CLSTN2: variants seen among roughly 807,000 people sequenced by gnomAD.
CLSTN2 encodes the protein calsyntenin-2.
In CLSTN2, 48 loss-of-function variants were observed where a neutral mutation model predicts 101.2. The observed-to-expected ratio is 0.47, with a 90% confidence interval of 0.38 to 0.60. The LOEUF (loss-of-function observed/expected upper bound fraction) is 0.60, where lower values mean the gene tolerates loss of function less well. CLSTN2 is among the 20% of genes least tolerant of loss of function. The pLI is 0.00. For synonymous variants in CLSTN2, 481 were observed against 463.6 expected (o/e 1.04, Z -0.48); for missense variants, 1,160 against 1,238.2 (o/e 0.94, Z 0.95).
intron 5 of CLSTN2, among the ~76,000 whole-genome samples, chr3:140,433,661 C>A (rs749077407): frequency 2.6e-4 from 39 of 152,214 alleles, no homozygotes; most frequent in Non-Finnish European, 5.7e-4. Flanking sequence ...CCTCTCAGAA[C>A]CCTCAGATGT....
At chr3:140,035,958 T>C (rs1405503194) in intron 1 of CLSTN2, among the ~76,000 whole-genome samples, 1 of 152,216 alleles carries the variant, frequency 6.6e-6, no homozygotes, top group Non-Finnish European at 1.5e-5. Context: ...CATATGCCAC[T>C]TCTCAGCTTG....
chr3:140,448,446 CATT>C, intron 5 of CLSTN2, 70 bp from the exon 6 acceptor site: 1 of 1,294,878 alleles, frequency 7.7e-7, no homozygotes, highest in Non-Finnish European at 1.1e-6. Flanking sequence ...AACAAATTCA[CATT>C]TCTAAAAGAA....
chr3:139,977,357 A>G (rs2107821801), intron 1 of CLSTN2, among the ~76,000 whole-genome samples: 1 of 152,282 alleles, frequency 6.6e-6, no homozygotes, highest in Non-Finnish European at 1.5e-5. Context: ...GGAGAACACC[A>G]TGAGCAGGAA....
intron 1 of CLSTN2, among the ~76,000 whole-genome samples, chr3:140,100,700 G>C (rs2008951184): frequency 6.6e-6 from 1 of 152,252 alleles, no homozygotes; most frequent in Non-Finnish European, 1.5e-5. Context: ...TCTGTGGGTG[G>C]AGAATAATTT....
chr3:140,133,781 AT>A (rs1383157134), intron 1 of CLSTN2, among the ~76,000 whole-genome samples: 1 of 152,174 alleles, frequency 6.6e-6, no homozygotes, highest in Non-Finnish European at 1.5e-5. Context: ...AACCAAAAAT[AT>A]TTTGTAAACC....
rs1933716099 is a variant in CLSTN2 at position 140,466,782 on chromosome 3, C to G, written c.1344+51C>G. 4 of 1,609,282 alleles carry G rather than the reference C, an allele frequency of 2.5e-6. No individual in the cohort carries two copies. In the South Asian group the frequency reaches 3.3e-5, roughly 13 times the overall value. On this transcript the variant is annotated intron_variant, in intron 8 of 16. Coordinates refer to ENST00000458420, the MANE Select transcript of CLSTN2 (RefSeq NM_022131.3). Reference sequence around the variant, plus strand: ...GCTACTCATGCCTCTGCGGGGGTGGCCAGTCCAATCCAATGGTGATGGCAG... The same window carrying G: ...GCTACTCATGCCTCTGCGGGGGTGGGCAGTCCAATCCAATGGTGATGGCAG...
intron 2 of CLSTN2, among the ~76,000 whole-genome samples, chr3:140,199,568 G>A (rs1317638358): frequency 6.6e-6 from 1 of 152,188 alleles, no homozygotes; most frequent in Non-Finnish European, 1.5e-5. Flanking sequence ...CAAACTAGGA[G>A]CCGCCCAGGC....
rs781213653 is a variant in CLSTN2, at chr3:140,531,774, G to GC, written c.1345-544dup. 8.3e-4 allele frequency among the ~76,000 whole-genome samples: 126 copies of GC among 152,042 alleles called. 1 individual carries two copies. The highest frequency in any genetic ancestry group is 3.5e-4 in the Non-Finnish European group (24 of 68,004). On this transcript the variant is annotated intron_variant, in intron 8 of 16. Transcript: ENST00000458420. ...GGTTAAGAATTGTGACTCTCTTCTAGCCCCCCTGCATCTCCACTAATCCAC... is the reference window on the plus strand; with the variant it reads ...GGTTAAGAATTGTGACTCTCTTCTAGCCCCCCCTGCATCTCCACTAATCCAC...
chr3:140,053,325 G>A (rs934205613), intron 1 of CLSTN2, among the ~76,000 whole-genome samples: 4 of 152,206 alleles, frequency 2.6e-5, no homozygotes, highest in Admixed American at 6.5e-5. Context: ...TGTATACACC[G>A]TAAATTTTAT....
chr3:140,382,166 G>T (rs1028415533), intron 2 of CLSTN2, among the ~76,000 whole-genome samples: 1 of 152,092 alleles, frequency 6.6e-6, no homozygotes, highest in African/African-American at 2.4e-5. Context: ...TTATTTTCCT[G>T]TTTATTTCCA....
intron 8 of CLSTN2, among the ~76,000 whole-genome samples, chr3:140,504,164 A>G (rs1463317226): frequency 1.3e-5 from 2 of 152,160 alleles, no homozygotes; most frequent in Admixed American, 6.5e-5. Context: ...CTCTGTGTGG[A>G]GCAGGGCGCC....
At chr3:140,181,154 C>T (rs752204176) in intron 2 of CLSTN2, among the ~76,000 whole-genome samples, 40 of 152,198 alleles carry the variant, frequency 2.6e-4, no homozygotes, top group Admixed American at 1.0e-3. Context: ...AGATAAGTCA[C>T]TGAACTACTC....
intron 2 of CLSTN2, among the ~76,000 whole-genome samples, chr3:140,190,351 ACT>A (rs1178237827): frequency 6.8e-6 from 1 of 146,264 alleles, no homozygotes; most frequent in Non-Finnish European, 1.5e-5. Context: ...TAAATGGATT[ACT>A]CTCAATTTTT....
chr3:140,341,715 C>T (rs951350639), intron 2 of CLSTN2, among the ~76,000 whole-genome samples: 4 of 152,174 alleles, frequency 2.6e-5, no homozygotes, highest in Admixed American at 2.0e-4. Context: ...CCCACACCTC[C>T]AGTGGCTTTT....
intron 8 of CLSTN2, among the ~76,000 whole-genome samples, chr3:140,483,343 G>A (rs1176303564): frequency 6.6e-6 from 1 of 152,132 alleles, no homozygotes; most frequent in African/African-American, 2.4e-5. Flanking sequence ...TATATTTGCT[G>A]AGGAGTGCTT....
intron 1 of CLSTN2, among the ~76,000 whole-genome samples, chr3:140,031,447 A>G (rs910920020): frequency 6.6e-6 from 1 of 152,200 alleles, no homozygotes; most frequent in Admixed American, 6.5e-5. Context: ...TGCCTTCCAA[A>G]TTTAGGAGAT....
intron 2 of CLSTN2, among the ~76,000 whole-genome samples, chr3:140,341,209 CTT>C (rs2087488759): frequency 6.6e-6 from 1 of 152,168 alleles, no homozygotes; most frequent in South Asian, 2.1e-4. Flanking sequence ...GAAAGGAGCT[CTT>C]TTTATTTTGG....
intron 7 of CLSTN2, among the ~76,000 whole-genome samples, chr3:140,465,601 C>T (rs1933677379): frequency 6.6e-6 from 1 of 152,156 alleles, no homozygotes; most frequent in African/African-American, 2.4e-5. Flanking sequence ...TTGATTCCTC[C>T]CACCTAAACT....
At chr3:140,341,822 A>G (rs1681895137) in intron 2 of CLSTN2, among the ~76,000 whole-genome samples, 1 of 152,152 alleles carries the variant, frequency 6.6e-6, no homozygotes, top group African/African-American at 2.4e-5. Flanking sequence ...CCTAAAATTT[A>G]CTATCCTTAG....
Sources: gnomAD v4.1 joint callset for allele counts (sites outside exome capture counted in the v4.1 genomes callset) on GRCh38, gnomAD v4.1.1 for gene constraint, MANE v1.5 for transcripts, NCBI Gene and HGNC (gene_info 2026-07-23, HGNC 2026-07-21) for gene names.